Variants in AMOTL1 observed in about 807,000 individuals in gnomAD.
AMOTL1 encodes the protein angiomotin-like protein 1.
AMOTL1 carries 45 observed loss-of-function variants against 102.9 expected under a neutral mutation model. The observed-to-expected ratio is 0.44, with a 90% CI of 0.34 to 0.56. The LOEUF (loss-of-function observed/expected upper bound fraction) is 0.56. Ranked by LOEUF, AMOTL1 falls within the 20% of genes least tolerant of loss-of-function variation. The pLI is 0.01. For missense variants in AMOTL1, 1,114 were observed against 1,225.6 expected, an observed-to-expected ratio of 0.91 and a Z score of 1.36; for synonymous variants, 481 against 484.7, an observed-to-expected ratio of 0.99 and a Z score of 0.10.
At chr11:94,779,778 G>A (rs978585822) in intron 1 of AMOTL1, among the ~76,000 whole-genome samples, 1 of 151,820 alleles carries the variant, frequency 6.6e-6, no homozygotes, top group African/African-American at 2.4e-5. Context: ...CCTTGATTTG[G>A]AAAAATTATC....
At chr11:94,810,669 C>G (rs1951662027) in intron 3 of AMOTL1, among the ~76,000 whole-genome samples, 1 of 151,870 alleles carries the variant, frequency 6.6e-6, no homozygotes, top group Non-Finnish European at 1.5e-5. Context: ...TTAAGGAATC[C>G]TGGGCTATTA....
chr11:94,719,942 T>C (rs1294314261), intron 1 of AMOTL1, among the ~76,000 whole-genome samples: 1 of 151,876 alleles, frequency 6.6e-6, no homozygotes, highest in African/African-American at 2.4e-5. Flanking sequence ...GATTTCAGAG[T>C]CTGAGGGAGG....
At chr11:94,850,028 T>C in intron 6 of AMOTL1, 86 bp from the exon 7 acceptor site, 1 of 1,415,848 alleles carries the variant, frequency 7.1e-7, no homozygotes, top group Non-Finnish European at 9.4e-7. Flanking sequence ...TTTTTATTTT[T>C]AATCCTTGCC....
At chr11:94,846,027 A>T (rs1306461799) in intron 6 of AMOTL1, among the ~76,000 whole-genome samples, 3 of 152,196 alleles carry the variant, frequency 2.0e-5, no homozygotes, top group Non-Finnish European at 1.5e-5. Context: ...AGGTGGTTTC[A>T]CCATGGGACT....
intron 6 of AMOTL1, among the ~76,000 whole-genome samples, chr11:94,835,496 C>G (rs1194054323): frequency 3.9e-5 from 6 of 152,134 alleles, no homozygotes; most frequent in African/African-American, 1.4e-4. Context: ...CCCATCAGCT[C>G]TAGGCCAGAA....
chr11:94,851,922 A>T (rs905144677), intron 7 of AMOTL1, among the ~76,000 whole-genome samples: 2 of 152,202 alleles, frequency 1.3e-5, no homozygotes, highest in Admixed American at 6.5e-5. Flanking sequence ...GATAGTATTT[A>T]TTCATTTAAC....
chr11:94,790,650 A>G (rs1193533006), intron 1 of AMOTL1, among the ~76,000 whole-genome samples: 1 of 152,112 alleles, frequency 6.6e-6, no homozygotes, highest in African/African-American at 2.4e-5. Context: ...AAACCACAAA[A>G]ATTCCACCCT....
At chr11:94,839,440 C>T (rs1952251605) in intron 6 of AMOTL1, among the ~76,000 whole-genome samples, 1 of 152,184 alleles carries the variant, frequency 6.6e-6, no homozygotes, top group Non-Finnish European at 1.5e-5. Flanking sequence ...AGTAACTTGT[C>T]CATGGTCATA....
chr11:94,710,991 G>A (rs1043639608), intron 1 of AMOTL1, among the ~76,000 whole-genome samples: 6 of 152,084 alleles, frequency 3.9e-5, no homozygotes, highest in African/African-American at 7.2e-5. Flanking sequence ...TGACTTCTAC[G>A]GGGATCCAAA....
At chr11:94,720,911 C>A (rs920494814) in intron 1 of AMOTL1, among the ~76,000 whole-genome samples, 3 of 152,032 alleles carry the variant, frequency 2.0e-5, no homozygotes, top group Non-Finnish European at 2.9e-5. Flanking sequence ...GGAACATAAA[C>A]CATGATTAAC....
intron 3 of AMOTL1, among the ~76,000 whole-genome samples, chr11:94,810,686 A>G (rs1433616421): frequency 6.6e-6 from 1 of 151,996 alleles, no homozygotes; most frequent in South Asian, 2.1e-4. Context: ...ATTAGAAACT[A>G]TTTCAGGTCC....
chr11:94,811,194 G>A (rs139934390), intron 3 of AMOTL1, among the ~76,000 whole-genome samples: 2 of 152,128 alleles, frequency 1.3e-5, no homozygotes, highest in African/African-American at 4.8e-5. Context: ...AGCCCCTCAA[G>A]TGGTCAAAAT....
At position 94,864,807 on chromosome 11, in the gene AMOTL1, A is replaced by AGAG. The variant is rs1565387423; in HGVS notation, c.2219_2221dup (p.Glu740dup). ...GCTCGCTGGAGGCCCACATCTGGCA[A>AGAG]GAGGAGGAGGAGGTGGTGCAGGCCA... is the stretch of plus-strand genomic sequence containing the variant. On this transcript the variant is annotated inframe_insertion, in exon 10 of 13. Transcript: ENST00000433060. The AGAG allele has an allele frequency of 6.2e-7, 1 of 1,613,912 alleles. No individual in the cohort carries two copies. Among genetic ancestry groups the AGAG allele is most frequent in the Non-Finnish European group, 8.5e-7 (1 of 1,179,816 alleles).
At chr11:94,825,505 G>A (rs1432164041) in intron 4 of AMOTL1, among the ~76,000 whole-genome samples, 1 of 152,264 alleles carries the variant, frequency 6.6e-6, no homozygotes, top group East Asian at 1.9e-4. Flanking sequence ...TTGTAGTTCT[G>A]TCTCTGGGAC....
At position 94,874,002 on chromosome 11, in the gene AMOTL1, GAAC is replaced by G. The variant is rs1007392838; in HGVS notation, c.*3208_*3210del. 6.6e-6 allele frequency: 1 copy of G among 152,236 alleles called. No individual in the cohort carries two copies. The highest frequency in any genetic ancestry group is 2.4e-5 in the African/African-American group (1 of 41,466). The allele number at this position is 152,236 out of a possible 1,614,324, so 9.4% of individuals were successfully genotyped here. A position where few individuals can be genotyped will look rare whatever the true frequency, so the allele number is the denominator to read the frequency against. On this transcript the variant is annotated 3_prime_UTR_variant, in exon 13 of 13. Coordinates refer to ENST00000433060, the MANE Select transcript of AMOTL1 (RefSeq NM_130847.3). ...ACTTTCCCAGTGGAGCCTGATTATA[GAAC>G]TTGAGGGTCCTATCTCAGGATGAAG...
chr11:94,801,022 A>G (rs1951468150), intron 3 of AMOTL1, among the ~76,000 whole-genome samples: 1 of 152,100 alleles, frequency 6.6e-6, no homozygotes, highest in African/African-American at 2.4e-5. Context: ...ACCCTATAGC[A>G]TTGTCTTGGA....
chr11:94,779,067 A>T (rs761538650), intron 1 of AMOTL1, among the ~76,000 whole-genome samples: 3 of 152,224 alleles, frequency 2.0e-5, no homozygotes, highest in Non-Finnish European at 4.4e-5. Context: ...AAATTCAAGG[A>T]TGTAGACCCA....
chr11:94,834,746 A>G (rs1952140069), intron 6 of AMOTL1, among the ~76,000 whole-genome samples: 1 of 152,220 alleles, frequency 6.6e-6, no homozygotes, highest in Non-Finnish European at 1.5e-5. Flanking sequence ...TCGCACGGAA[A>G]CTAGCCATCC....
chr11:94,810,725 GGAGA>G (rs1241279309), intron 3 of AMOTL1, among the ~76,000 whole-genome samples: 1 of 151,448 alleles, frequency 6.6e-6, no homozygotes, highest in East Asian at 1.9e-4. Flanking sequence ...GCAAGAGAAA[GGAGA>G]GAGAGCAGAA....
Sources: allele counts gnomAD v4.1 joint callset (sites outside exome capture counted in the v4.1 genomes callset), GRCh38; gene constraint gnomAD v4.1.1; transcripts MANE v1.5; gene names NCBI Gene and HGNC (gene_info 2026-07-23, HGNC 2026-07-21).